Variants in SLC25A27 observed in about 807,000 individuals in gnomAD.
SLC25A27 encodes solute carrier family 25 member 27.
SLC25A27 carries 35 observed loss-of-function variants against 49.1 expected under a neutral mutation model. The ratio of observed to expected loss-of-function variants is 0.71; its 90% CI spans 0.54 to 0.95. The LOEUF (loss-of-function observed/expected upper bound fraction) is 0.95, where lower values mean the gene tolerates loss of function less well. Ranked by LOEUF, SLC25A27 falls within the 40% of genes least tolerant of loss-of-function variation. The pLI, the probability that SLC25A27 is intolerant of heterozygous loss-of-function variation, is 0.00. For missense variants in SLC25A27, 339 were observed against 397.1 expected (o/e 0.85, Z 1.24); for synonymous variants, 144 against 136.9 (o/e 1.05, Z -0.36).
rs762937474 is a variant in SLC25A27 at position 46,655,884 on chromosome 6, C to A, written c.148C>A (p.Gln50Lys). The change falls in exon 2 of 9, where the codon CAA becomes AAA. Residue 50 changes from glutamine to lysine, a missense_variant. Transcript: ENST00000371347. ...TCTCACAAAAACTCGACTCCAAATGCAAGGAGAAGCAGCTCTTGCTCGGTT... is the reference window on the plus strand; with the variant it reads ...TCTCACAAAAACTCGACTCCAAATGAAAGGAGAAGCAGCTCTTGCTCGGTT... The part of the protein sequence containing the change: ...LDLTKTRLQM[Q>K]GEAALARLGD... 3.7e-6 allele frequency: 6 copies of A among 1,613,216 alleles called. No individual in the cohort carries two copies. In the Admixed American group the frequency reaches 1.0e-4, roughly 27 times the overall value.
Position 46,670,234 on chromosome 6 carries a change from A to G in SLC25A27, c.797+7A>G. On this transcript the variant is annotated splice_region_variant and intron_variant, in intron 7 of 8. Coordinates refer to ENST00000371347, the MANE Select transcript of SLC25A27 (RefSeq NM_004277.5). ...CACGAGATAAACAAGGAAGGTAGAT[A>G]AAAAGTCTTCAGTATCCATGTGCTT... 1 of 1,591,486 alleles carries G rather than the reference A, an allele frequency of 6.3e-7. No individual in the cohort carries two copies. Among genetic ancestry groups the G allele is most frequent in the East Asian group, 2.2e-5 (1 of 44,640 alleles).
intron 8 of SLC25A27, among the ~76,000 whole-genome samples, chr6:46,674,478 T>G (rs566389699): frequency 6.6e-6 from 1 of 152,128 alleles, no homozygotes; most frequent in Admixed American, 6.6e-5. Context: ...TGAAGAGACA[T>G]TCCTAGCAGT....
At chr6:46,673,854 C>G (rs976274129) in intron 8 of SLC25A27, among the ~76,000 whole-genome samples, 7 of 152,142 alleles carry the variant, frequency 4.6e-5, no homozygotes, top group African/African-American at 1.7e-4. Context: ...ATAGTAGATG[C>G]ATTGAAAGCT....
Position 46,655,955 on chromosome 6 carries a change from C to A in SLC25A27, c.219C>A (p.Arg73=). Residue 73 remains arginine (R), a synonymous_variant, in exon 2 of 9, where the codon CGC becomes CGA. Transcript: ENST00000371347. The part of the protein sequence containing the change: ...RESAPYRGMV[R]TALGIIEEEG... ...CTGCCCCCTATAGGGGAATGGTGCG[C>A]ACAGCTCTAGGGATCATTGAAGAGG... The A allele has an allele frequency of 1.9e-6, 3 of 1,613,892 alleles. No individual in the cohort carries two copies. Among genetic ancestry groups the A allele is most frequent in the Non-Finnish European group, 2.5e-6 (3 of 1,179,950 alleles).
intron 4 of SLC25A27, among the ~76,000 whole-genome samples, chr6:46,663,873 A>G (rs1178487996): frequency 6.6e-6 from 1 of 152,208 alleles, no homozygotes; most frequent in Non-Finnish European, 1.5e-5. Context: ...TCGAATGTAA[A>G]TTAGAATCAT....
chr6:46,675,058 G>C (rs1763716035), intron 8 of SLC25A27, among the ~76,000 whole-genome samples: 1 of 152,086 alleles, frequency 6.6e-6, no homozygotes, highest in Non-Finnish European at 1.5e-5. Flanking sequence ...CCTGTACAGA[G>C]GCTTGGTAAA....
At chr6:46,659,280 T>C (rs762596308) in intron 3 of SLC25A27, among the ~76,000 whole-genome samples, 2 of 152,198 alleles carry the variant, frequency 1.3e-5, no homozygotes, top group Non-Finnish European at 2.9e-5. Context: ...TTGAAAGAAT[T>C]CTTATAGAGT....
chr6:46,658,751 CAGTG>C, intron 2 of SLC25A27: 1 of 564,810 alleles, frequency 1.8e-6, no homozygotes, highest in Non-Finnish European at 3.2e-6. Flanking sequence ...AAAGATCAGA[CAGTG>C]TGTGGGAAGG....
At chr6:46,673,365 CAG>C (rs763578159) in intron 8 of SLC25A27, among the ~76,000 whole-genome samples, 19 of 152,130 alleles carry the variant, frequency 1.2e-4, no homozygotes, top group Middle Eastern at 3.2e-3. Context: ...GTGAGTGGTT[CAG>C]GGCATCAAAC....
At chr6:46,654,714 A>G (rs545385114) in intron 1 of SLC25A27, among the ~76,000 whole-genome samples, 1 of 152,256 alleles carries the variant, frequency 6.6e-6, no homozygotes, top group East Asian at 1.9e-4. Context: ...ATCTATTAAG[A>G]TTTTTCAGGT....
rs757382672 is a variant in SLC25A27, at chr6:46,664,865, G to T, written c.598G>T (p.Ala200Ser). Residue 200 changes from alanine to serine, a missense_variant, in exon 5 of 9, where the codon GCA (alanine) becomes TCA (serine). Ala to Ser is a moderately conservative substitution (Grantham distance 99, BLOSUM62 1). Transcript: ENST00000371347. ...AGGCTGGGTACCCAATATACAAAGAGCAGCACTGGTGAATATGGGAGGTAA... is the reference window on the plus strand; with the variant it reads ...AGGCTGGGTACCCAATATACAAAGATCAGCACTGGTGAATATGGGAGGTAA... ...WAGWVPNIQR[A>S]ALVNMGDLTT... 1.3e-6 allele frequency: 2 copies of T among 1,593,766 alleles called. No individual in the cohort carries two copies. Among genetic ancestry groups the T allele is most frequent in the East Asian group, 4.5e-5 (2 of 44,188 alleles).
At chr6:46,668,975 A>G (rs947220944) in intron 6 of SLC25A27, among the ~76,000 whole-genome samples, 182 bp downstream of exon 6, 2 of 152,242 alleles carry the variant, frequency 1.3e-5, no homozygotes, top group Admixed American at 6.5e-5. Flanking sequence ...AGAGACAGAC[A>G]AAGTTGTAGG....
intron 3 of SLC25A27, among the ~76,000 whole-genome samples, chr6:46,660,834 A>G (rs1395793802): frequency 4.6e-5 from 7 of 152,224 alleles, no homozygotes; most frequent in Admixed American, 3.3e-4. Context: ...CCCAGAGTCA[A>G]TTATGGAATA....
chr6:46,660,616 A>G (rs539705754), intron 3 of SLC25A27, among the ~76,000 whole-genome samples: 1 of 152,296 alleles, frequency 6.6e-6, no homozygotes, highest in African/African-American at 2.4e-5. Flanking sequence ...AGGTTATGAT[A>G]TATTTATGGC....
At position 46,671,204 on chromosome 6, in the gene SLC25A27, CT is replaced by C; in HGVS notation, c.881del (p.Leu294TyrfsTer5). The C allele has an allele frequency of 6.3e-7, 1 of 1,584,042 alleles. No homozygotes were observed. The highest frequency in any genetic ancestry group is 8.6e-7 in the Non-Finnish European group (1 of 1,167,270). On this transcript the variant is annotated frameshift_variant, in exon 8 of 9. Coordinates refer to ENST00000371347, the MANE Select transcript of SLC25A27 (RefSeq NM_004277.5). LOFTEE classifies it high-confidence loss of function. ...GEGFMSLYKG[F>X]LPSWLRMTPW... Reference sequence around the variant, plus strand: ...AAGGATTCATGAGTCTATATAAAGGCTTTTTACCATCTTGGCTGAGAATGGT... The same window carrying C: ...AAGGATTCATGAGTCTATATAAAGGCTTTTACCATCTTGGCTGAGAATGGT...
intron 3 of SLC25A27, among the ~76,000 whole-genome samples, chr6:46,660,698 T>TTAGGG (rs1214931462): frequency 6.6e-6 from 1 of 152,172 alleles, no homozygotes; most frequent in African/African-American, 2.4e-5. Context: ...AAAATCTTTC[T>TTAGGG]TAGGGTTAAA....
intron 2 of SLC25A27, 84 bp from the exon 3 acceptor site, chr6:46,658,878 C>A: frequency 2.1e-6 from 2 of 955,890 alleles, no homozygotes; most frequent in Non-Finnish European, 1.7e-6. Flanking sequence ...TAGGCCATGT[C>A]GGAATGTCCT....
intron 8 of SLC25A27, among the ~76,000 whole-genome samples, chr6:46,671,741 A>G (rs532899141): frequency 1.3e-5 from 2 of 152,164 alleles, no homozygotes; most frequent in Admixed American, 1.3e-4. Flanking sequence ...GAATTAAGAT[A>G]TAGAATTAGA....
chr6:46,665,408 G>A (rs574146939), intron 5 of SLC25A27, among the ~76,000 whole-genome samples: 14 of 151,782 alleles, frequency 9.2e-5, no homozygotes, highest in Admixed American at 2.0e-4. Context: ...CCCCTCCGCC[G>A]GGTGCGGTGG....
Sources: allele counts gnomAD v4.1 joint callset (sites outside exome capture counted in the v4.1 genomes callset), GRCh38; gene constraint gnomAD v4.1.1; transcripts MANE v1.5; gene names NCBI Gene and HGNC (gene_info 2026-07-23, HGNC 2026-07-21).